Variants in KIAA1217 observed in about 807,000 individuals in gnomAD.
KIAA1217 encodes sickle tail protein homolog.
In KIAA1217, 88 loss-of-function variants were observed where a neutral mutation model predicts 163.9. The ratio of observed to expected loss-of-function variants is 0.54; its 90% CI spans 0.45 to 0.64. The LOEUF is 0.64. KIAA1217 is among the 30% of genes least tolerant of loss of function. The pLI, the probability that KIAA1217 is intolerant of heterozygous loss-of-function variation, is 0.00. For synonymous variants in KIAA1217, 903 were observed against 923.1 expected (o/e 0.98, Z 0.39); for missense variants, 2,372 against 2,475.0 (o/e 0.96, Z 0.88).
In KIAA1217 at chr10:23,796,563, A is replaced by G. The variant is rs980315235; in HGVS notation, c.-321+101329A>G. On this transcript the variant is annotated intron_variant, in intron 1 of 18. Coordinates refer to the KIAA1217 transcript ENST00000376462. ...TTTTTAGTAGAGTTGGGGTTTCACC[A>G]TGTTGGCCAGGATGGTCTTAAACTC... Among the ~76,000 whole-genome samples, 8 of 152,080 alleles carry G rather than the reference A, an allele frequency of 5.3e-5. No individual in the cohort carries two copies. In the East Asian group the frequency reaches 1.6e-3, roughly 30 times the overall value.
chr10:24,422,985 A>C (rs1591803086), intron 3 of KIAA1217, among the ~76,000 whole-genome samples: 1 of 145,724 alleles, frequency 6.9e-6, no homozygotes, highest in Admixed American at 7.0e-5. Context: ...GCTCACTGCA[A>C]GTTCTGCCTC....
At chr10:24,121,474 G>A (rs1429923137) in intron 2 of KIAA1217, among the ~76,000 whole-genome samples, 1 of 152,190 alleles carries the variant, frequency 6.6e-6, no homozygotes, top group Non-Finnish European at 1.5e-5. Flanking sequence ...TGTTTTAGTT[G>A]TTTGTGTTGA....
At chr10:24,312,445 G>A (rs182069145) in intron 2 of KIAA1217, among the ~76,000 whole-genome samples, 11 of 152,040 alleles carry the variant, frequency 7.2e-5, no homozygotes, top group Admixed American at 1.3e-4. Flanking sequence ...GTAAAACCTC[G>A]TCTCTACGAA....
At chr10:24,191,139 C>T (rs371790927) in intron 2 of KIAA1217, among the ~76,000 whole-genome samples, 39 of 152,010 alleles carry the variant, frequency 2.6e-4, no homozygotes, top group Admixed American at 4.6e-4. Context: ...GAGACTGTGG[C>T]GCTGCACTTC....
intron 2 of KIAA1217, among the ~76,000 whole-genome samples, chr10:24,223,071 G>T (rs547907394): frequency 6.6e-6 from 1 of 152,120 alleles, no homozygotes; most frequent in Non-Finnish European, 1.5e-5. Flanking sequence ...GGTTTGGTAG[G>T]TTTTGGCTGG....
rs2067571683 is a variant in KIAA1217 at position 24,501,457 on chromosome 10, G to T, written c.1913G>T (p.Gly638Val). The T allele has an allele frequency of 3.7e-6, 6 of 1,613,920 alleles. No individual in the cohort carries two copies. In the African/African-American group the frequency reaches 4.0e-5, roughly 11 times the overall value. ...CCTCCCAGCCAGCCTCCACCTGTGG[G>T]CACCTCAGCCATCCACATGAGCCTG... ...TVPPSQPPPV[G>V]TSAIHMSLLE... The change falls in exon 9 of 21, where the codon GGC (glycine) becomes GTC (valine). Residue 638 changes from glycine (G) to valine (V), a missense_variant. By Grantham distance (109) the Gly-to-Val change is moderately radical. This residue lies in a region of KIAA1217 where 1,431 missense variants were observed against 1,470.3 expected (regional missense o/e 0.97). Transcript: ENST00000376454.
In KIAA1217 at chr10:23,942,945, CA is replaced by C. The variant is rs112348727; in HGVS notation, c.-320-64262del. ...CAACATAGTGATATCCTGTCTGTAC[CA>C]AAAAAAAAAAAAAAAAACTAAAAAA... On this transcript the variant is annotated intron_variant, in intron 1 of 18. Coordinates refer to the KIAA1217 transcript ENST00000376462. 9.7e-3 allele frequency among the ~76,000 whole-genome samples: 980 copies of C among 100,844 alleles called. 7 individuals are homozygous for C. The highest frequency in any genetic ancestry group is 0.017 in the Middle Eastern group (3 of 172). 66.2% of individuals were successfully genotyped at this position (100,844 alleles called of 152,430 possible).
intron 2 of KIAA1217, among the ~76,000 whole-genome samples, chr10:24,177,018 A>T (rs1467723349): frequency 6.6e-6 from 1 of 151,688 alleles, no homozygotes; most frequent in South Asian, 2.1e-4. Context: ...GGCTGCTCCG[A>T]GTGCGGGGCC....
Position 23,878,142 on chromosome 10 carries a change from G to A in KIAA1217, c.-320-129083G>A, listed in dbSNP as rs184920765. On this transcript the variant is annotated intron_variant, in intron 1 of 18. Coordinates refer to the KIAA1217 transcript ENST00000376462. ...GAGACAGTTTGGCTGTGAGCAGTGC[G>A]AGACGTTGAGTTAGATCATGGCAAG... is the stretch of plus-strand genomic sequence containing the variant. Among the ~76,000 whole-genome samples, 8 of 152,064 alleles carry A rather than the reference G, an allele frequency of 5.3e-5. No homozygotes were observed. In the East Asian group the frequency reaches 7.8e-4, roughly 15 times the overall value.
intron 2 of KIAA1217, among the ~76,000 whole-genome samples, chr10:24,111,689 A>G (rs938735685): frequency 6.6e-6 from 1 of 151,442 alleles, no homozygotes; most frequent in African/African-American, 2.5e-5. Context: ...GTCTGCAGGC[A>G]GAAAAAAAAA....
chr10:24,502,745 C>T (rs1488548494), intron 9 of KIAA1217, among the ~76,000 whole-genome samples: 1 of 152,160 alleles, frequency 6.6e-6, no homozygotes, highest in Non-Finnish European at 1.5e-5. Context: ...GTAATCCCAG[C>T]ACTTTGGGAG....
chr10:23,918,150 C>CT (rs559699322), intron 1 of KIAA1217, among the ~76,000 whole-genome samples: 15,436 of 115,762 alleles, frequency 0.13, 1,184 homozygotes, highest in African/African-American at 0.2. Flanking sequence ...GTAGCTGGGA[C>CT]TTTTTTTTTT....
chr10:24,018,998 T>A (rs982816113), intron 2 of KIAA1217, among the ~76,000 whole-genome samples: 2 of 151,968 alleles, frequency 1.3e-5, no homozygotes, highest in South Asian at 4.1e-4. Flanking sequence ...TCTAAAAAAA[T>A]TGAACTCATA....
intron 2 of KIAA1217, among the ~76,000 whole-genome samples, chr10:24,276,907 C>G (rs1361024845): frequency 6.7e-6 from 1 of 149,646 alleles, no homozygotes; most frequent in Non-Finnish European, 1.5e-5. Flanking sequence ...CACACCCAGC[C>G]AAGTCCAGCT....
At chr10:24,208,046 T>C (rs1204018440), upstream of KIAA1217, among the ~76,000 whole-genome samples, 4 of 151,944 alleles carry the variant, frequency 2.6e-5, no homozygotes, top group Non-Finnish European at 5.9e-5. Flanking sequence ...ATCGCGCTCT[T>C]CCTCCTAGCT....
At chr10:23,724,327 GT>G (rs1161148384) in intron 1 of KIAA1217, among the ~76,000 whole-genome samples, 1 of 151,904 alleles carries the variant, frequency 6.6e-6, no homozygotes, top group African/African-American at 2.4e-5. Flanking sequence ...TTCCAAAATG[GT>G]AAAAAGTTCT....
At chr10:24,052,854 C>T (rs900310961) in intron 2 of KIAA1217, among the ~76,000 whole-genome samples, 10 of 152,050 alleles carry the variant, frequency 6.6e-5, no homozygotes, top group Non-Finnish European at 1.5e-4. Context: ...TTATCACGAG[C>T]CTCTCTAGCT....
intron 4 of KIAA1217, 56 bp downstream of exon 4, chr10:24,433,249 T>C: frequency 7.3e-7 from 1 of 1,372,452 alleles, no homozygotes; most frequent in East Asian, 2.3e-5. Context: ...TTTTTTGTTT[T>C]TTGTTTTTTT....
intron 1 of KIAA1217, among the ~76,000 whole-genome samples, chr10:23,896,415 C>A (rs1166374117): frequency 3.3e-5 from 5 of 152,056 alleles, no homozygotes; most frequent in African/African-American, 1.2e-4. Flanking sequence ...CTTCCACCCT[C>A]TGTTCACCCC....
Sources: gnomAD v4.1 joint callset for allele counts (sites outside exome capture counted in the v4.1 genomes callset) on GRCh38, gnomAD v4.1.1 for gene constraint, gnomAD v4.1.1 regional missense constraint, MANE v1.5 for transcripts, NCBI Gene and HGNC (gene_info 2026-07-23, HGNC 2026-07-21) for gene names.